The following DPYSL3 variants were observed in gnomAD, a reference collection of about 807,000 sequenced individuals.
The protein encoded by DPYSL3 is dihydropyrimidinase-related protein 3.
In DPYSL3, 16 loss-of-function variants were observed where a neutral mutation model predicts 66.1. That is an observed-to-expected ratio of 0.24 (90% confidence interval 0.16 to 0.37). DPYSL3 has a LOEUF of 0.37. Among genes scored for constraint, DPYSL3 ranks in the 10% least tolerant of loss-of-function variants. DPYSL3 has a pLI of 1.00. For synonymous variants in DPYSL3, 338 were observed against 345.1 expected (o/e 0.98, Z 0.23); for missense variants, 738 against 916.2 (o/e 0.81, Z 2.51).
At chr5:147,429,677 C>T (rs899749171) in intron 1 of DPYSL3, among the ~76,000 whole-genome samples, 7 of 152,026 alleles carry the variant, frequency 4.6e-5, no homozygotes, top group Non-Finnish European at 8.8e-5. Flanking sequence ...TAGATTAGTT[C>T]CAATTTGAAG....
intron 1 of DPYSL3, among the ~76,000 whole-genome samples, chr5:147,469,077 C>G (rs1285400649): frequency 6.6e-6 from 1 of 152,226 alleles, no homozygotes; most frequent in Non-Finnish European, 1.5e-5. Context: ...GCAGACTCCT[C>G]TGCCAAAATT....
chr5:147,442,986 A>G (rs1379889354), intron 1 of DPYSL3, among the ~76,000 whole-genome samples: 2 of 152,196 alleles, frequency 1.3e-5, no homozygotes, highest in Non-Finnish European at 2.9e-5. Flanking sequence ...TTGTAATGGA[A>G]AAAAAGCCTT....
At chr5:147,415,597 C>G in intron 4 of DPYSL3, 112 bp downstream of exon 4, 2 of 1,348,358 alleles carry the variant, frequency 1.5e-6, no homozygotes, top group Non-Finnish European at 2.0e-6. Context: ...AGTGCTCACA[C>G]TCAAGGTTCC....
chr5:147,448,347 G>A (rs149254055), intron 1 of DPYSL3, among the ~76,000 whole-genome samples: 48 of 152,184 alleles, frequency 3.2e-4, no homozygotes, highest in African/African-American at 1.0e-3. Context: ...GGCCTGTGTC[G>A]GACTGTCAGA....
intron 1 of DPYSL3, among the ~76,000 whole-genome samples, chr5:147,439,697 A>G (rs573783967): frequency 2.0e-5 from 3 of 152,316 alleles, no homozygotes; most frequent in South Asian, 4.2e-4. Context: ...GAGTAAGATG[A>G]CAGAGGCTTG....
intron 1 of DPYSL3, among the ~76,000 whole-genome samples, chr5:147,484,757 A>G (rs1366128081): frequency 6.6e-6 from 1 of 152,222 alleles, no homozygotes; most frequent in South Asian, 2.1e-4. Context: ...ATGTCACACA[A>G]GACCAGGCTA....
chr5:147,405,927 C>A, intron 7 of DPYSL3, 197 bp from the exon 8 acceptor site: 1 of 549,030 alleles, frequency 1.8e-6, no homozygotes, highest in Non-Finnish European at 3.1e-6. Context: ...CTTCCCAGTG[C>A]CTCTATCCCT....
At chr5:147,448,703 A>T (rs148598127) in intron 1 of DPYSL3, among the ~76,000 whole-genome samples, 232 of 152,288 alleles carry the variant, frequency 1.5e-3, no homozygotes, top group African/African-American at 5.2e-3. Context: ...ATAGACTTGA[A>T]TTCTCTCAGG....
intron 1 of DPYSL3, among the ~76,000 whole-genome samples, chr5:147,492,782 G>A (rs1753436335): frequency 1.3e-5 from 2 of 151,554 alleles, no homozygotes; most frequent in Non-Finnish European, 2.9e-5. Context: ...ACAAAAACAA[G>A]GACAACAAAT....
chr5:147,398,384 C>T (rs1014640872), intron 11 of DPYSL3, among the ~76,000 whole-genome samples: 13 of 152,192 alleles, frequency 8.5e-5, no homozygotes, highest in Non-Finnish European at 5.9e-5. Context: ...CTTCACCATT[C>T]GCTTGCTGCA....
intron 1 of DPYSL3, among the ~76,000 whole-genome samples, chr5:147,491,038 C>T (rs1442235764): frequency 6.6e-6 from 1 of 152,168 alleles, no homozygotes; most frequent in Non-Finnish European, 1.5e-5. Flanking sequence ...ACAAGATATG[C>T]TCTCTGAAGA....
chr5:147,492,974 T>C (rs778490196), intron 1 of DPYSL3, among the ~76,000 whole-genome samples: 4 of 152,070 alleles, frequency 2.6e-5, no homozygotes, highest in Non-Finnish European at 4.4e-5. Flanking sequence ...GGCACAGAGA[T>C]ATTAAAAGAA....
At chr5:147,502,532 T>C (rs1470216749) in intron 1 of DPYSL3, among the ~76,000 whole-genome samples, 1 of 152,108 alleles carries the variant, frequency 6.6e-6, no homozygotes, top group Non-Finnish European at 1.5e-5. Flanking sequence ...CCAACATTTG[T>C]TTTTCATTGT....
At chr5:147,503,746 T>C (rs1014729541) in intron 1 of DPYSL3, among the ~76,000 whole-genome samples, 7 of 152,232 alleles carry the variant, frequency 4.6e-5, no homozygotes, top group Admixed American at 2.6e-4. Flanking sequence ...ACCATTACTA[T>C]AGGGACCATT....
intron 1 of DPYSL3, among the ~76,000 whole-genome samples, chr5:147,494,666 C>T (rs1318439615): frequency 1.4e-5 from 2 of 147,870 alleles, no homozygotes; most frequent in African/African-American, 5.0e-5. Context: ...GAGACAGAGA[C>T]CATCCTGGCT....
intron 9 of DPYSL3, 134 bp from the exon 10 acceptor site, chr5:147,400,967 A>T (rs1485682102): frequency 1.3e-5 from 15 of 1,169,420 alleles, no homozygotes; most frequent in Non-Finnish European, 1.6e-5. Flanking sequence ...ACCTCTTACT[A>T]GATATATGAG....
chr5:147,462,804 G>GA (rs1250712097), intron 1 of DPYSL3, among the ~76,000 whole-genome samples: 7 of 151,722 alleles, frequency 4.6e-5, no homozygotes, highest in South Asian at 2.1e-4. Context: ...GTATTTGTGG[G>GA]AAAAAAAAGC....
chr5:147,411,352 C>T (rs1479339072), intron 6 of DPYSL3, among the ~76,000 whole-genome samples: 1 of 152,074 alleles, frequency 6.6e-6, no homozygotes, highest in Non-Finnish European at 1.5e-5. Context: ...CAGCTGGAGC[C>T]CTGCATGGCT....
chr5:147,427,988 G>A (rs1752227841), intron 1 of DPYSL3, among the ~76,000 whole-genome samples: 1 of 152,144 alleles, frequency 6.6e-6, no homozygotes, highest in Admixed American at 6.6e-5. Context: ...AGCCACTGGT[G>A]TGATCATCAC....
Sources: allele counts gnomAD v4.1 joint callset (sites outside exome capture counted in the v4.1 genomes callset), GRCh38; gene constraint gnomAD v4.1.1; transcripts MANE v1.5; gene names NCBI Gene and HGNC (gene_info 2026-07-23, HGNC 2026-07-21).